Variants in ARL15 observed in about 807,000 individuals in gnomAD.
ARL15 encodes ADP-ribosylation factor-like protein 15.
In ARL15, 19 loss-of-function variants were observed where a neutral mutation model predicts 25.2. That is an observed-to-expected ratio of 0.75 (90% CI 0.53 to 1.10). The LOEUF (loss-of-function observed/expected upper bound fraction) is 1.10. Among genes scored for constraint, ARL15 ranks in the 50% least tolerant of loss-of-function variants. The pLI is 0.00. For synonymous variants in ARL15, 94 were observed against 86.8 expected, an observed-to-expected ratio of 1.08 and a Z score of -0.46; for missense variants, 220 against 246.0, an observed-to-expected ratio of 0.89 and a Z score of 0.71.
chr5:53,927,413 A>C (rs1746065860), intron 4 of ARL15, among the ~76,000 whole-genome samples: 1 of 152,130 alleles, frequency 6.6e-6, no homozygotes, highest in Non-Finnish European at 1.5e-5. Flanking sequence ...CTTCAGCTAA[A>C]AGCTCTCATT....
At chr5:54,055,715 C>G (rs1034848452) in intron 4 of ARL15, among the ~76,000 whole-genome samples, 1 of 152,040 alleles carries the variant, frequency 6.6e-6, no homozygotes, top group African/African-American at 2.4e-5. Flanking sequence ...TACTCACTTG[C>G]CTTTGTACAT....
intron 4 of ARL15, among the ~76,000 whole-genome samples, chr5:54,074,291 T>C (rs560233914): frequency 1.3e-5 from 2 of 152,336 alleles, no homozygotes; most frequent in African/African-American, 4.8e-5. Flanking sequence ...CTTCACAGTG[T>C]GGCTGTGAGA....
intron 4 of ARL15, among the ~76,000 whole-genome samples, chr5:54,048,819 G>A (rs899996165): frequency 6.7e-6 from 1 of 149,946 alleles, no homozygotes; most frequent in Non-Finnish European, 1.5e-5. Flanking sequence ...ACAACAGTCC[G>A]ACATTTGGGG....
chr5:54,045,390 T>C (rs940572114), intron 4 of ARL15, among the ~76,000 whole-genome samples: 3 of 152,196 alleles, frequency 2.0e-5, no homozygotes, highest in African/African-American at 7.2e-5. Context: ...GCTAAATTTG[T>C]CAAACTGAAC....
intron 1 of ARL15, among the ~76,000 whole-genome samples, chr5:54,179,313 G>C (rs1239994313): frequency 1.3e-5 from 2 of 152,200 alleles, no homozygotes; most frequent in Admixed American, 1.3e-4. Context: ...ATGCCCTCAA[G>C]TCAGGGATCA....
chr5:54,104,991 C>T (rs1006988920), intron 4 of ARL15, among the ~76,000 whole-genome samples: 3 of 151,732 alleles, frequency 2.0e-5, no homozygotes, highest in African/African-American at 7.3e-5. Context: ...TCATTAGTCT[C>T]AGCCATCTCA....
rs533034876 is a variant in ARL15 at position 54,234,922 on chromosome 5, A to G, written c.49-62994T>C. 2.6e-5 allele frequency among the ~76,000 whole-genome samples: 4 copies of G among 152,328 alleles called. No individual in the cohort carries two copies. In the South Asian group the frequency reaches 6.2e-4, roughly 24 times the overall value. On this transcript the variant is annotated intron_variant, in intron 1 of 4. Transcript: ENST00000504924. ...AAGAGCTAAGAAAATGTGAAACCAA[A>G]TCTAGTTTGAATGTAGTTCATAACT...
At chr5:54,107,786 T>C (rs1752632966) in intron 4 of ARL15, among the ~76,000 whole-genome samples, 1 of 152,172 alleles carries the variant, frequency 6.6e-6, no homozygotes, top group African/African-American at 2.4e-5. Context: ...CATTGACATA[T>C]ATTGAGATGT....
chr5:54,235,326 T>C (rs772306343), intron 1 of ARL15, among the ~76,000 whole-genome samples: 4 of 152,186 alleles, frequency 2.6e-5, no homozygotes, highest in Non-Finnish European at 5.9e-5. Context: ...CACTCAACCT[T>C]ATCAGATAAA....
chr5:54,131,417 C>G (rs1022891917), intron 3 of ARL15, among the ~76,000 whole-genome samples: 1 of 152,102 alleles, frequency 6.6e-6, no homozygotes, highest in Non-Finnish European at 1.5e-5. Context: ...TACTTTTTCC[C>G]TATCTTTATA....
intron 3 of ARL15, among the ~76,000 whole-genome samples, chr5:54,119,656 T>G (rs577356909): frequency 2.3e-4 from 35 of 152,266 alleles, no homozygotes; most frequent in African/African-American, 8.2e-4. Flanking sequence ...CCTACCATGT[T>G]CCTCTGTTGA....
intron 4 of ARL15, among the ~76,000 whole-genome samples, chr5:54,091,595 T>C (rs901997932): frequency 6.6e-6 from 1 of 152,148 alleles, no homozygotes; most frequent in Non-Finnish European, 1.5e-5. Flanking sequence ...GGCCTTCTCC[T>C]GGACCAGTAA....
intron 2 of ARL15, among the ~76,000 whole-genome samples, chr5:54,159,948 AAC>A (rs759679100): frequency 6.6e-6 from 1 of 152,212 alleles, no homozygotes; most frequent in Non-Finnish European, 1.5e-5. Context: ...CATTGTGTGG[AAC>A]ACACAAGTAT....
rs184261219 is a variant in ARL15, at chr5:53,885,586, A to C, written c.*975T>G. 3 of 152,748 alleles carry C rather than the reference A, an allele frequency of 2.0e-5. No individual in the cohort carries two copies. Among genetic ancestry groups the C allele is most frequent in the Non-Finnish European group, 2.9e-5 (2 of 68,026 alleles). The allele number at this position is 152,748 out of a possible 1,614,324, so 9.5% of individuals were successfully genotyped here. A position where few individuals can be genotyped will look rare whatever the true frequency, so the allele number is the denominator to read the frequency against. On this transcript the variant is annotated 3_prime_UTR_variant, in exon 5 of 5. Coordinates refer to ENST00000504924, the MANE Select transcript of ARL15 (RefSeq NM_019087.3). ...CAATAAACTACAGTAACACGTAATG[A>C]ATGAATATATAGATGATTCTGTCTT...
chr5:53,894,154 AG>A lies in ARL15; in HGVS notation c.463-7442del, dbSNP rs372072850. On this transcript the variant is annotated intron_variant, in intron 4 of 4. Transcript: ENST00000504924. Reference sequence around the variant, plus strand: ...AAAAAGATGGTAAGTACAAAAGTATAGTTCTCATAAGATGCTTCTTTCTTAA... The same window carrying A: ...AAAAAGATGGTAAGTACAAAAGTATATTCTCATAAGATGCTTCTTTCTTAA... Among the ~76,000 whole-genome samples, 723 of 152,366 alleles carry A rather than the reference AG, an allele frequency of 4.7e-3. 10 individuals carry two copies. The highest frequency in any genetic ancestry group is 0.017 in the African/African-American group (688 of 41,588).
intron 4 of ARL15, among the ~76,000 whole-genome samples, chr5:54,065,524 G>C (rs1199011564): frequency 7.2e-6 from 1 of 139,254 alleles, no homozygotes; most frequent in African/African-American, 3.0e-5. Context: ...AAATTAGCCA[G>C]GTGTGGTGGC....
chr5:54,085,046 A>T (rs940590509), intron 4 of ARL15, among the ~76,000 whole-genome samples: 2 of 152,202 alleles, frequency 1.3e-5, no homozygotes, highest in African/African-American at 4.8e-5. Context: ...CACTTCACTG[A>T]AATTATAGAA....
intron 4 of ARL15, among the ~76,000 whole-genome samples, chr5:54,020,907 A>G (rs2111836699): frequency 6.6e-6 from 1 of 152,192 alleles, no homozygotes; most frequent in Non-Finnish European, 1.5e-5. Context: ...GTGAGCCGAG[A>G]TAGCACCATT....
chr5:54,079,967 T>TCACACA lies in ARL15; in HGVS notation c.462+33229_462+33234dup, dbSNP rs58908566. The stretch of plus-strand genomic sequence containing the variant: ...CCTCGGTGACAAGAGTGAGACTCCG[T>TCACACA]CACACACACACACACACACACACAC... On this transcript the variant is annotated intron_variant, in intron 4 of 4. Transcript: ENST00000504924. Among the ~76,000 whole-genome samples the TCACACA allele has an allele frequency of 2.3e-4, 28 of 124,376 alleles. 1 individual carries two copies. Among genetic ancestry groups the TCACACA allele is most frequent in the Admixed American group, 7.9e-4 (10 of 12,582 alleles). 81.6% of individuals were successfully genotyped at this position (124,376 alleles called of 152,430 possible). A position where few individuals can be genotyped will look rare whatever the true frequency, so the allele number is the denominator to read the frequency against.
Sources: allele counts gnomAD v4.1 joint callset (sites outside exome capture counted in the v4.1 genomes callset), GRCh38; gene constraint gnomAD v4.1.1; transcripts MANE v1.5; gene names NCBI Gene and HGNC (gene_info 2026-07-23, HGNC 2026-07-21).